The following EYA1 variants were observed in gnomAD, a reference collection of about 807,000 sequenced individuals.
EYA1 encodes protein phosphatase EYA1.
In EYA1, 16 loss-of-function variants were observed where a neutral mutation model predicts 82.0. That is an observed-to-expected ratio of 0.20 (90% CI 0.13 to 0.30). The LOEUF (loss-of-function observed/expected upper bound fraction) is 0.30, where lower values mean the gene tolerates loss of function less well. Among genes scored for constraint, EYA1 ranks in the 10% least tolerant of loss-of-function variants. EYA1 has a pLI of 1.00. For synonymous variants in EYA1, 261 were observed against 264.4 expected (o/e 0.99, Z 0.12); for missense variants, 633 against 730.7 (o/e 0.87, Z 1.54).
intron 2 of EYA1, among the ~76,000 whole-genome samples, chr8:71,392,683 T>C (rs1185179221): frequency 6.6e-6 from 1 of 152,180 alleles, no homozygotes; most frequent in Non-Finnish European, 1.5e-5. Context: ...GATTTCAGTT[T>C]CTTCTTGAGT....
At chr8:71,293,853 A>G (rs530086287) in intron 9 of EYA1, among the ~76,000 whole-genome samples, 1 of 112,078 alleles carries the variant, frequency 8.9e-6, no homozygotes, top group African/African-American at 2.8e-5. Flanking sequence ...GAGAAACTAG[A>G]TGTTTCCTTT....
intron 2 of EYA1, among the ~76,000 whole-genome samples, chr8:71,504,397 T>C: frequency 6.6e-6 from 1 of 152,210 alleles, no homozygotes; most frequent in East Asian, 1.9e-4. Flanking sequence ...CATTTTAGTA[T>C]GGTTATCAAA....
At chr8:71,210,280 G>GAATT (rs943329399) in intron 17 of EYA1, among the ~76,000 whole-genome samples, 11 of 152,298 alleles carry the variant, frequency 7.2e-5, no homozygotes, top group African/African-American at 2.6e-4. Flanking sequence ...GGTAGTACAT[G>GAATT]AATTAAATTT....
At chr8:71,521,320 G>T (rs1813381926) in intron 2 of EYA1, among the ~76,000 whole-genome samples, 1 of 152,010 alleles carries the variant, frequency 6.6e-6, no homozygotes, top group South Asian at 2.1e-4. Flanking sequence ...TGGAATTAAG[G>T]CTAAGATCAT....
Position 71,211,252 on chromosome 8 carries a change from T to C in EYA1, c.1602A>G (p.Lys534=), listed in dbSNP as rs1338287323. 1.9e-6 allele frequency: 3 copies of C among 1,602,354 alleles called. No individual in the cohort carries two copies. The highest frequency in any genetic ancestry group is 4.5e-5 in the East Asian group (2 of 44,806). ...ENIYSATKIG[K]ESCFERIIQR... is the part of the protein sequence containing the mutation. ...GAATTATTCTCTCAAAACAGCTTTC[T>C]TTTCCTAGTGAACAAAAATAAATGA... The change falls in exon 17 of 18, where the codon AAA becomes AAG. Residue 534 remains lysine (K), a synonymous_variant. Transcript: ENST00000340726.
At chr8:71,382,824 G>T (rs938432320) in intron 2 of EYA1, among the ~76,000 whole-genome samples, 4 of 151,914 alleles carry the variant, frequency 2.6e-5, no homozygotes, top group African/African-American at 9.7e-5. Flanking sequence ...AAATCATATC[G>T]ATTTCTAGGT....
chr8:71,541,297 A>C (rs562918744), intron 1 of EYA1, among the ~76,000 whole-genome samples: 1 of 152,350 alleles, frequency 6.6e-6, no homozygotes, highest in South Asian at 2.1e-4. Context: ...AAATGTATAC[A>C]CCAATACCTT....
intron 12 of EYA1, among the ~76,000 whole-genome samples, chr8:71,218,686 G>A (rs1046393929): frequency 5.9e-5 from 9 of 152,164 alleles, no homozygotes; most frequent in African/African-American, 2.2e-4. Flanking sequence ...ATTTATTAAT[G>A]TAATCTTATT....
intron 2 of EYA1, among the ~76,000 whole-genome samples, chr8:71,507,121 A>G (rs1812250591): frequency 6.6e-6 from 1 of 152,216 alleles, no homozygotes; most frequent in South Asian, 2.1e-4. Context: ...GCACTAGTCT[A>G]GCTCTTTACA....
intron 3 of EYA1, among the ~76,000 whole-genome samples, chr8:71,349,517 G>A (rs1011904601): frequency 6.6e-6 from 1 of 152,178 alleles, no homozygotes; most frequent in Non-Finnish European, 1.5e-5. Flanking sequence ...CAAGCCATGT[G>A]CCTTTAAACT....
chr8:71,400,894 C>T (rs1169514087), intron 2 of EYA1, among the ~76,000 whole-genome samples: 1 of 152,094 alleles, frequency 6.6e-6, no homozygotes, highest in Non-Finnish European at 1.5e-5. Flanking sequence ...CCCAAATGCC[C>T]ATCAATGATA....
intron 11 of EYA1, among the ~76,000 whole-genome samples, chr8:71,249,976 G>C (rs1813549633): frequency 6.6e-6 from 1 of 151,096 alleles, no homozygotes; most frequent in Non-Finnish European, 1.5e-5. Flanking sequence ...TCAACACTCT[G>C]TCACTCGGAC....
chr8:71,513,001 G>A (rs749420660), intron 2 of EYA1, among the ~76,000 whole-genome samples: 32 of 152,196 alleles, frequency 2.1e-4, no homozygotes, highest in Non-Finnish European at 3.5e-4. Flanking sequence ...ATCATTCTCC[G>A]CAGTAGCATG....
At chr8:71,313,092 C>T (rs760930092) in intron 7 of EYA1, among the ~76,000 whole-genome samples, 9 of 152,134 alleles carry the variant, frequency 5.9e-5, no homozygotes, top group Non-Finnish European at 1.3e-4. Flanking sequence ...TTTTTGCCAG[C>T]GGCTCTTCCT....
chr8:71,279,167 G>T (rs1430425290), intron 9 of EYA1, among the ~76,000 whole-genome samples: 5 of 152,244 alleles, frequency 3.3e-5, no homozygotes, highest in African/African-American at 1.2e-4. Flanking sequence ...CATGAGACAG[G>T]CTAATCAATA....
At chr8:71,352,907 G>A (rs1006328258) in intron 3 of EYA1, among the ~76,000 whole-genome samples, 1 of 152,150 alleles carries the variant, frequency 6.6e-6, no homozygotes, top group Admixed American at 6.5e-5. Context: ...AGTACTGCAT[G>A]GTTCTTATTT....
chr8:71,470,848 T>C (rs1809140256), intron 2 of EYA1: 1 of 453,800 alleles, frequency 2.2e-6, no homozygotes, highest in Admixed American at 2.4e-5. Flanking sequence ...GAAAAAAATG[T>C]CAGATTTACC....
chr8:71,281,106 T>G (rs748479814), intron 9 of EYA1, among the ~76,000 whole-genome samples: 16 of 152,186 alleles, frequency 1.1e-4, no homozygotes, highest in Non-Finnish European at 2.9e-5. Flanking sequence ...AAAAACAATC[T>G]TTGAAACAAC....
At position 71,417,721 on chromosome 8, in the gene EYA1, G is replaced by A. The variant is rs946952862; in HGVS notation, c.34-61210C>T. On this transcript the variant is annotated intron_variant, in intron 2 of 18. Transcript: ENST00000643681. Reference sequence around the variant, plus strand: ...AGCCCTCTATAACAAAGAATGATCCGGCCAACATGTCAGCAATGCTGAGGT... The same window carrying A: ...AGCCCTCTATAACAAAGAATGATCCAGCCAACATGTCAGCAATGCTGAGGT... 4.6e-5 allele frequency among the ~76,000 whole-genome samples: 7 copies of A among 152,198 alleles called. No individual in the cohort carries two copies. The South Asian group carries it at 1.0e-3, about 23-fold the overall frequency.
Sources: gnomAD v4.1 joint callset for allele counts (sites outside exome capture counted in the v4.1 genomes callset) on GRCh38, gnomAD v4.1.1 for gene constraint, MANE v1.5 for transcripts, NCBI Gene and HGNC (gene_info 2026-07-23, HGNC 2026-07-21) for gene names.